Variants in MTMR9 observed in about 807,000 individuals in gnomAD.
MTMR9 encodes myotubularin related protein 9.
Under a neutral mutation model 69.5 loss-of-function variants are expected in MTMR9, and 39 were observed. The ratio of observed to expected loss-of-function variants is 0.56; its 90% CI spans 0.43 to 0.73. MTMR9 has a LOEUF of 0.73. Ranked by LOEUF, MTMR9 falls within the 30% of genes least tolerant of loss-of-function variation. MTMR9 has a pLI of 0.00. For synonymous variants in MTMR9, 354 were observed against 240.8 expected (o/e 1.47, Z -4.35); for missense variants, 900 against 671.2 (o/e 1.34, Z -3.77).
chr8:11,303,546 A>T (rs1799828231), intron 3 of MTMR9, among the ~76,000 whole-genome samples: 2 of 152,002 alleles, frequency 1.3e-5, no homozygotes, highest in Non-Finnish European at 2.9e-5. Context: ...TTAATTAATT[A>T]TTTTTTGAAA....
chr8:11,312,201 C>T (rs545489052), intron 6 of MTMR9, among the ~76,000 whole-genome samples: 32 of 152,136 alleles, frequency 2.1e-4, no homozygotes, highest in Admixed American at 9.8e-4. Flanking sequence ...CACACCACCA[C>T]GGTCACCTAA....
At position 11,323,741 on chromosome 8, in the gene MTMR9, A is replaced by G. The variant is rs1335345562; in HGVS notation, c.*953A>G. 6.6e-6 allele frequency: 1 copy of G among 152,166 alleles called. No individual in the cohort carries two copies. The highest frequency in any genetic ancestry group is 2.4e-5 in the African/African-American group (1 of 41,444). The allele number at this position is 152,166 out of a possible 1,614,324, so 9.4% of individuals were successfully genotyped here. On this transcript the variant is annotated 3_prime_UTR_variant, in exon 10 of 10. Transcript: ENST00000221086. The stretch of plus-strand genomic sequence containing the variant: ...TTTATTGTGTGTTTTTTTAATTTGT[A>G]AGTATTCTAAGAGTTTCCTAATACT...
chr8:11,316,665 C>T lies in MTMR9; in HGVS notation c.1114-8C>T, dbSNP rs1035458243. On this transcript the variant is annotated splice_region_variant and splice_polypyrimidine_tract_variant and intron_variant, in intron 7 of 9. Transcript: ENST00000221086. ...GATATGACTGTCACGCCTCCATCTT[C>T]CCCCTAGGCTGGTCACCCATTCCAG... 3.2e-6 allele frequency: 5 copies of T among 1,578,492 alleles called. No homozygotes were observed. The highest frequency in any genetic ancestry group is 4.3e-6 in the Non-Finnish European group (5 of 1,163,484).
At chr8:11,319,583 T>A in intron 8 of MTMR9, 104 bp from the exon 9 acceptor site, 1 of 1,213,164 alleles carries the variant, frequency 8.2e-7, no homozygotes, top group Non-Finnish European at 1.2e-6. Context: ...AGTCTTGTAT[T>A]CTATCTTCTT....
intron 4 of MTMR9, among the ~76,000 whole-genome samples, chr8:11,305,700 T>G (rs1799913241): frequency 6.6e-6 from 1 of 152,232 alleles, no homozygotes; most frequent in South Asian, 2.1e-4. Context: ...GAATACATAA[T>G]AGACAGTCAG....
downstream of MTMR9, among the ~76,000 whole-genome samples, chr8:11,329,460 C>T (rs952901244): frequency 2.5e-4 from 38 of 152,238 alleles, no homozygotes; most frequent in African/African-American, 1.9e-4. Flanking sequence ...ATTGCAGGCT[C>T]GCGCCGCCAC....
chr8:11,292,280 T>G lies in MTMR9; in HGVS notation c.183-2914T>G, dbSNP rs78883765. 2.4e-4 allele frequency among the ~76,000 whole-genome samples: 37 copies of G among 152,314 alleles called. No individual in the cohort carries two copies. In the East Asian group the frequency reaches 7.1e-3, roughly 29 times the overall value. ...AATTTGAGGCTATTAAATAAAGTTG[T>G]TTTTAATATTCTTATGCAAGTCTTT... On this transcript the variant is annotated intron_variant, in intron 1 of 9. Transcript: ENST00000221086.
chr8:11,285,355 T>G (rs1293524046), intron 1 of MTMR9: 1 of 325,028 alleles, frequency 3.1e-6, no homozygotes, highest in East Asian at 5.3e-5. Flanking sequence ...GGCATTGTCT[T>G]TATAAATTTC....
Position 11,309,760 on chromosome 8 carries a change from T to A in MTMR9, c.971+72T>A, listed in dbSNP as rs1310722579. ...TAGACTTTGTGTTTATCCAGACATA[T>A]GTTTATAGATTATGTGAAAGTTTGC... is the stretch of plus-strand genomic sequence containing the variant. On this transcript the variant is annotated intron_variant, in intron 6 of 9. Transcript: ENST00000221086. 2.6e-6 allele frequency: 4 copies of A among 1,512,142 alleles called. No individual in the cohort carries two copies. In the East Asian group the frequency reaches 9.1e-5, roughly 34 times the overall value. 93.7% of individuals were successfully genotyped at this position (1,512,142 alleles called of 1,614,324 possible).
Position 11,314,982 on chromosome 8 carries a change from C to G in MTMR9, c.1031C>G (p.Thr344Ser), listed in dbSNP as rs1215823811. 1 of 1,614,002 alleles carries G rather than the reference C, an allele frequency of 6.2e-7. No individual in the cohort carries two copies. The highest frequency in any genetic ancestry group is 1.1e-5 in the South Asian group (1 of 91,072). ...GGAACTGATTCCACACTCCAGGTGACCTCCTTGGCCCAGATCATCTTAGAG... is the reference window on the plus strand; with the variant it reads ...GGAACTGATTCCACACTCCAGGTGAGCTCCTTGGCCCAGATCATCTTAGAG... ...TEGTDSTLQV[T>S]SLAQIILEPR... The change falls in exon 7 of 10, where the codon ACC (threonine) becomes AGC (serine). Residue 344 changes from threonine to serine, a missense_variant. By Grantham distance (58) the Thr-to-Ser change is moderately conservative. Coordinates refer to ENST00000221086, the MANE Select transcript of MTMR9 (RefSeq NM_015458.4).
At chr8:11,330,775 A>G, downstream of MTMR9, 1 of 424,220 alleles carries the variant, frequency 2.4e-6, no homozygotes, top group South Asian at 3.0e-5. Flanking sequence ...GGACACAAAC[A>G]CTGCGGAAGG....
rs1800971511 is a variant in MTMR9 at position 11,327,162 on chromosome 8, G to A, written c.*4374G>A. The A allele has an allele frequency of 6.6e-6, 1 of 152,110 alleles. No individual in the cohort carries two copies. Among genetic ancestry groups the A allele is most frequent in the Non-Finnish European group, 1.5e-5 (1 of 68,028 alleles). 9.4% of individuals were successfully genotyped at this position (152,110 alleles called of 1,614,324 possible). A position where few individuals can be genotyped will look rare whatever the true frequency, so the allele number is the denominator to read the frequency against. On this transcript the variant is annotated 3_prime_UTR_variant, in exon 10 of 10. Coordinates refer to ENST00000221086, the MANE Select transcript of MTMR9 (RefSeq NM_015458.4). ...CCTTTAAACCAATAGTCCCAGAAGA[G>A]ACCCTCTGAAATTCTAGGACTGGAT...
chr8:11,288,062 ATATAT>A (rs1185176927), intron 1 of MTMR9, among the ~76,000 whole-genome samples: 12 of 130,934 alleles, frequency 9.2e-5, no homozygotes, highest in East Asian at 4.2e-4. Context: ...ATTATATAAT[ATATAT>A]TATATTTCAC....
chr8:11,305,137 G>A, intron 4 of MTMR9, 123 bp downstream of exon 4: 1 of 913,784 alleles, frequency 1.1e-6, no homozygotes, highest in Non-Finnish European at 1.6e-6. Context: ...CCACCACAAG[G>A]GCTTCCTTCA....
intron 1 of MTMR9, among the ~76,000 whole-genome samples, chr8:11,289,463 T>C (rs1167457626): frequency 6.6e-6 from 1 of 152,206 alleles, no homozygotes; most frequent in South Asian, 2.1e-4. Flanking sequence ...CAAGGTTGTA[T>C]ACAAGTTTTA....
chr8:11,292,592 G>C (rs769050439), intron 1 of MTMR9, among the ~76,000 whole-genome samples: 1 of 152,180 alleles, frequency 6.6e-6, no homozygotes, highest in African/African-American at 2.4e-5. Flanking sequence ...CTTATGACTA[G>C]TGGTGTAGGG....
chr8:11,336,955 G>A, the MTMR9 span, among the ~76,000 whole-genome samples: 12 of 152,200 alleles, frequency 7.9e-5, no homozygotes, highest in African/African-American at 1.2e-4. Context: ...TCAGGTTGCC[G>A]GAGTTCTTGA....
intron 5 of MTMR9, among the ~76,000 whole-genome samples, chr8:11,307,569 G>T (rs1299828116): frequency 6.6e-6 from 1 of 152,138 alleles, no homozygotes; most frequent in Non-Finnish European, 1.5e-5. Flanking sequence ...ACCCAGAAGT[G>T]GGATTACTGG....
intron 5 of MTMR9, among the ~76,000 whole-genome samples, chr8:11,308,373 ATTCTGTTCC>A (rs1800052698): frequency 6.6e-6 from 1 of 152,160 alleles, no homozygotes; most frequent in African/African-American, 2.4e-5. Context: ...TCTGGGTTTT[ATTCTGTTCC>A]ATTAGTCAAT....
Sources: gnomAD v4.1 joint callset for allele counts (sites outside exome capture counted in the v4.1 genomes callset) on GRCh38, gnomAD v4.1.1 for gene constraint, MANE v1.5 for transcripts, NCBI Gene and HGNC (gene_info 2026-07-23, HGNC 2026-07-21) for gene names.